The following ARID4B variants were observed in gnomAD, a reference collection of about 807,000 sequenced individuals.
ARID4B encodes the protein AT-rich interactive domain-containing protein 4B.
In ARID4B, 26 loss-of-function variants were observed where a neutral mutation model predicts 147.5. The observed-to-expected ratio is 0.18, with a 90% CI of 0.13 to 0.24. The LOEUF (loss-of-function observed/expected upper bound fraction) is 0.24, where lower values mean the gene tolerates loss of function less well. Ranked by LOEUF, ARID4B falls within the 10% of genes least tolerant of loss-of-function variation. The pLI is 1.00. For synonymous variants in ARID4B, 512 were observed against 507.9 expected (o/e 1.01, Z -0.11); for missense variants, 1,179 against 1,511.5 (o/e 0.78, Z 3.65).
intron 15 of ARID4B, 25 bp from the exon 16 acceptor site, chr1:235,219,993 A>G: frequency 6.8e-7 from 1 of 1,464,792 alleles, no homozygotes; most frequent in South Asian, 1.4e-5. Context: ...GAGGAAAGAA[A>G]CCAACAAAAG....
At chr1:235,200,730 T>C (rs1665854509) in intron 17 of ARID4B, among the ~76,000 whole-genome samples, 1 of 152,160 alleles carries the variant, frequency 6.6e-6, no homozygotes. Flanking sequence ...ACAGTACATT[T>C]AGTATATATT....
chr1:235,274,785 A>C (rs1423892449), intron 2 of ARID4B, among the ~76,000 whole-genome samples: 1 of 152,226 alleles, frequency 6.6e-6, no homozygotes, highest in African/African-American at 2.4e-5. Flanking sequence ...GCAACCTATT[A>C]GTTGACTGAT....
intron 17 of ARID4B, among the ~76,000 whole-genome samples, chr1:235,207,774 T>C (rs949794224): frequency 7.5e-4 from 115 of 152,336 alleles, no homozygotes; most frequent in African/African-American, 2.7e-3. Flanking sequence ...TTGAGCCTAC[T>C]CATTTGTGAA....
In ARID4B at chr1:235,209,890, G is replaced by A. The variant is rs550441704; in HGVS notation, c.1841+3879C>T. Among the ~76,000 whole-genome samples the A allele has an allele frequency of 3.3e-5, 5 of 152,216 alleles. 1 individual carries two copies. The South Asian group carries it at 1.0e-3, about 32-fold the overall frequency. On this transcript the variant is annotated intron_variant, in intron 17 of 23. Coordinates refer to ENST00000264183, the MANE Select transcript of ARID4B (RefSeq NM_016374.6). The stretch of plus-strand genomic sequence containing the variant: ...TAAAAACAGTATTTTTAAACAAAAA[G>A]ACAGACACTCTTACATTATTTGAGA...
At chr1:235,255,504 G>T (rs1669927889) in intron 5 of ARID4B, among the ~76,000 whole-genome samples, 156 bp downstream of exon 5, 1 of 151,712 alleles carries the variant, frequency 6.6e-6, no homozygotes, top group South Asian at 2.1e-4. Context: ...ATATACTTTG[G>T]AAATAAATTT....
chr1:235,181,016 C>T, intron 20 of ARID4B: 1 of 654,854 alleles, frequency 1.5e-6, no homozygotes, highest in Non-Finnish European at 1.9e-6. Flanking sequence ...CACATTGGTC[C>T]TTCAATTTGG....
chr1:235,296,934 C>G (rs1014802312), intron 2 of ARID4B, among the ~76,000 whole-genome samples: 2 of 151,346 alleles, frequency 1.3e-5, no homozygotes, highest in African/African-American at 2.4e-5. Flanking sequence ...CAATGAGCAC[C>G]CTTAACACCC....
At chr1:235,326,778 G>T in intron 2 of ARID4B, 136 bp downstream of exon 2, 1 of 1,125,612 alleles carries the variant, frequency 8.9e-7, no homozygotes, top group Non-Finnish European at 1.3e-6. Context: ...GTCTCTCTGG[G>T]GAAGGGCTCG....
At chr1:235,265,252 G>T (rs1390449557) in intron 2 of ARID4B, among the ~76,000 whole-genome samples, 1 of 151,766 alleles carries the variant, frequency 6.6e-6, no homozygotes, top group Non-Finnish European at 1.5e-5. Context: ...TGTAATCCCA[G>T]CTACTCGGGA....
At chr1:235,306,502 CA>C (rs35505288) in intron 2 of ARID4B, among the ~76,000 whole-genome samples, 227 of 129,582 alleles carry the variant, frequency 1.8e-3, no homozygotes, top group African/African-American at 4.6e-3. Context: ...GACTCCATCT[CA>C]AAAAAAAAAA....
In ARID4B at chr1:235,310,694, G is replaced by A. The variant is rs1398472090; in HGVS notation, c.6+16220C>T. Among the ~76,000 whole-genome samples the A allele has an allele frequency of 2.0e-5, 3 of 152,126 alleles. No homozygotes were observed. The East Asian group carries it at 5.8e-4, about 29-fold the overall frequency. ...TTTTTGATTTTGTTTTTAAAACGGG[G>A]TCTTGCTCTGTCACCTAGGCTGGAG... On this transcript the variant is annotated intron_variant, in intron 2 of 23. Coordinates refer to ENST00000264183, the MANE Select transcript of ARID4B (RefSeq NM_016374.6).
At chr1:235,263,605 T>A (rs560968310) in intron 2 of ARID4B, among the ~76,000 whole-genome samples, 1 of 152,164 alleles carries the variant, frequency 6.6e-6, no homozygotes, top group Non-Finnish European at 1.5e-5. Context: ...GGGCAAACTA[T>A]TCTTTTGAAG....
chr1:235,206,171 AC>A (rs991997103), intron 17 of ARID4B, among the ~76,000 whole-genome samples: 4 of 152,214 alleles, frequency 2.6e-5, no homozygotes, highest in Admixed American at 1.3e-4. Context: ...CCAAATGAAT[AC>A]TTTTCTAGAT....
intron 16 of ARID4B, among the ~76,000 whole-genome samples, chr1:235,218,890 G>T (rs1667263784): frequency 7.8e-6 from 1 of 127,830 alleles, no homozygotes; most frequent in Non-Finnish European, 1.6e-5. Flanking sequence ...TTTTGAGACA[G>T]AGTCTCACTC....
At chr1:235,250,220 T>C (rs1053583638) in intron 6 of ARID4B, among the ~76,000 whole-genome samples, 6 of 152,196 alleles carry the variant, frequency 3.9e-5, no homozygotes, top group Non-Finnish European at 8.8e-5. Flanking sequence ...ATGGGATTAA[T>C]TTCAGTAGTT....
chr1:235,256,786 T>G (rs1331688219), intron 4 of ARID4B, among the ~76,000 whole-genome samples: 1 of 152,226 alleles, frequency 6.6e-6, no homozygotes, highest in Non-Finnish European at 1.5e-5. Flanking sequence ...AATGGAAATA[T>G]GGTGGATTAA....
chr1:235,272,341 T>TA (rs1264605880), intron 2 of ARID4B, among the ~76,000 whole-genome samples: 2 of 152,194 alleles, frequency 1.3e-5, no homozygotes, highest in Non-Finnish European at 2.9e-5. Context: ...AAGATAGAAA[T>TA]AGTGTCTTAT....
chr1:235,206,597 G>A (rs977464348), intron 17 of ARID4B, among the ~76,000 whole-genome samples: 2 of 152,126 alleles, frequency 1.3e-5, no homozygotes, highest in African/African-American at 4.8e-5. Context: ...AGGAAGAAAA[G>A]GAAAATAAAC....
intron 17 of ARID4B, among the ~76,000 whole-genome samples, chr1:235,204,889 T>A (rs111521597): frequency 6.6e-6 from 1 of 152,206 alleles, no homozygotes; most frequent in South Asian, 2.1e-4. Flanking sequence ...TAAAGCCCAT[T>A]TGAGTACAAC....
Sources: gnomAD v4.1 joint callset for allele counts (sites outside exome capture counted in the v4.1 genomes callset) on GRCh38, gnomAD v4.1.1 for gene constraint, MANE v1.5 for transcripts, NCBI Gene and HGNC (gene_info 2026-07-23, HGNC 2026-07-21) for gene names.